The following SLC25A26 variants were observed in gnomAD, a reference collection of about 807,000 sequenced individuals.
SLC25A26 encodes the protein solute carrier family 25 member 26.
In SLC25A26, 36 loss-of-function variants were observed where a neutral mutation model predicts 37.8. The ratio of observed to expected loss-of-function variants is 0.95; its 90% CI spans 0.73 to 1.26. SLC25A26 has a LOEUF of 1.26. Among genes scored for constraint, SLC25A26 ranks in the 50% most tolerant of loss-of-function variants. SLC25A26 has a pLI of 0.00. For missense variants in SLC25A26, 390 were observed against 331.1 expected (o/e 1.18, Z -1.38); for synonymous variants, 129 against 122.5 (o/e 1.05, Z -0.35).
At chr3:66,264,288 A>G (rs543454765) in intron 5 of SLC25A26, among the ~76,000 whole-genome samples, 2 of 152,128 alleles carry the variant, frequency 1.3e-5, no homozygotes, top group African/African-American at 4.8e-5. Flanking sequence ...CCAAAAAAAA[A>G]GAAATAACTA....
chr3:66,311,552 C>G (rs1576851620), intron 5 of SLC25A26, among the ~76,000 whole-genome samples: 1 of 151,868 alleles, frequency 6.6e-6, no homozygotes, highest in African/African-American at 2.4e-5. Context: ...GAGTTGTGAT[C>G]GTTTGGAGAA....
At chr3:66,260,736 C>T (rs546794215) in intron 3 of SLC25A26, among the ~76,000 whole-genome samples, 1 of 152,286 alleles carries the variant, frequency 6.6e-6, no homozygotes, top group South Asian at 2.1e-4. Context: ...AAGCTGTCAC[C>T]TGTTTTTGTA....
At chr3:66,209,945 T>TATATAC (rs2071261894) in intron 1 of SLC25A26, among the ~76,000 whole-genome samples, 2 of 93,992 alleles carry the variant, frequency 2.1e-5, no homozygotes, top group African/African-American at 4.2e-5. Flanking sequence ...TATATATATA[T>TATATAC]ATGCAGTAGT....
intron 1 of SLC25A26, among the ~76,000 whole-genome samples, chr3:66,154,917 C>G (rs1048434332): frequency 2.8e-4 from 43 of 152,214 alleles, no homozygotes; most frequent in African/African-American, 9.6e-4. Flanking sequence ...TATGTATCAG[C>G]TCTTCAATAA....
At chr3:66,224,591 A>G (rs191446362) in intron 1 of SLC25A26, among the ~76,000 whole-genome samples, 78 of 152,280 alleles carry the variant, frequency 5.1e-4, no homozygotes, top group South Asian at 8.3e-4. Flanking sequence ...GAGCCAAACC[A>G]TATCATTCCA....
chr3:66,369,126 A>G (rs1459348312), intron 7 of SLC25A26, among the ~76,000 whole-genome samples: 2 of 150,910 alleles, frequency 1.3e-5, no homozygotes, highest in Non-Finnish European at 3.0e-5. Flanking sequence ...AGTGTGTCTC[A>G]CATATTGAGA....
intron 5 of SLC25A26, among the ~76,000 whole-genome samples, chr3:66,274,561 A>T (rs1408650302): frequency 1.3e-5 from 2 of 152,214 alleles, no homozygotes; most frequent in East Asian, 3.8e-4. Flanking sequence ...CAAGAAAAAA[A>T]CAAACAACCC....
chr3:66,263,006 G>T (rs1045920104), intron 4 of SLC25A26, among the ~76,000 whole-genome samples: 2 of 152,268 alleles, frequency 1.3e-5, no homozygotes, highest in Middle Eastern at 6.8e-3. Flanking sequence ...ACATGTTAGA[G>T]CAATTAAGTA....
intron 9 of SLC25A26, 116 bp from the exon 10 acceptor site, chr3:66,377,574 G>A (rs138130810): frequency 2.7e-5 from 20 of 736,292 alleles, no homozygotes; most frequent in African/African-American, 1.7e-5. Context: ...TTCACAAGCT[G>A]TTTGGTAGTT....
chr3:66,346,715 C>CGTGTGTGTGTGTGTGTGTGTGT (rs34944870), intron 6 of SLC25A26, among the ~76,000 whole-genome samples: 1 of 138,882 alleles, frequency 7.2e-6, no homozygotes, highest in Non-Finnish European at 1.6e-5. Context: ...TTGCTGTGTG[C>CGTGTGTGTGTGTGTGTGTGTGT]GTGTGTGTGT....
Position 66,167,037 on chromosome 3 carries a change from C to T in SLC25A26, c.-354+33053C>T, listed in dbSNP as rs2070434479. On this transcript the variant is annotated intron_variant, in intron 1 of 10. Coordinates refer to the SLC25A26 transcript ENST00000676754. ...CTTGTCTGCCACCATGTGAGATGTGCCTTTCACCTTCCACCATGATTGTGA... is the reference window on the plus strand; with the variant it reads ...CTTGTCTGCCACCATGTGAGATGTGTCTTTCACCTTCCACCATGATTGTGA... 2.0e-5 allele frequency among the ~76,000 whole-genome samples: 3 copies of T among 152,278 alleles called. No individual in the cohort carries two copies. The East Asian group carries it at 5.8e-4, about 29-fold the overall frequency.
chr3:66,270,851 T>G (rs913047613), intron 5 of SLC25A26, among the ~76,000 whole-genome samples: 21 of 152,214 alleles, frequency 1.4e-4, no homozygotes, highest in African/African-American at 5.1e-4. Flanking sequence ...CTTCAGTGCA[T>G]AGTTTCTCAT....
rs541686527 is a variant in SLC25A26, at chr3:66,275,436, C to T, written c.453+12057C>T. Among the ~76,000 whole-genome samples the T allele has an allele frequency of 5.3e-5, 8 of 151,952 alleles. No homozygotes were observed. The South Asian group carries it at 6.2e-4, about 12-fold the overall frequency. ...AAAAAAATTAATTACTGCTGTCTTCCCTTCACTAGAATGTATGCATCAGGA... is the reference window on the plus strand; with the variant it reads ...AAAAAAATTAATTACTGCTGTCTTCTCTTCACTAGAATGTATGCATCAGGA... On this transcript the variant is annotated intron_variant, in intron 5 of 9. Transcript: ENST00000354883.
intron 2 of SLC25A26, among the ~76,000 whole-genome samples, chr3:66,241,523 C>T (rs1167187895): frequency 1.3e-5 from 2 of 152,166 alleles, no homozygotes; most frequent in Non-Finnish European, 2.9e-5. Flanking sequence ...ACAGGTTTTA[C>T]ATTCTTCCCT....
intron 5 of SLC25A26, chr3:66,304,669 A>G: frequency 3.8e-6 from 1 of 265,850 alleles, no homozygotes; most frequent in Non-Finnish European, 7.6e-6. Flanking sequence ...ACATTCTTTA[A>G]AATGCTTTTA....
At chr3:66,187,327 A>G (rs2070847832) in intron 1 of SLC25A26, among the ~76,000 whole-genome samples, 2 of 151,816 alleles carry the variant, frequency 1.3e-5, no homozygotes, top group Non-Finnish European at 2.9e-5. Context: ...ATCAAATCGT[A>G]TACTCACCCA....
At chr3:66,241,808 G>A (rs1390124566) in intron 2 of SLC25A26, among the ~76,000 whole-genome samples, 5 of 152,136 alleles carry the variant, frequency 3.3e-5, no homozygotes, top group Admixed American at 2.6e-4. Flanking sequence ...AGGAGTGAGG[G>A]GTTGGGGTGG....
intron 5 of SLC25A26, among the ~76,000 whole-genome samples, chr3:66,269,927 T>G (rs1004092390): frequency 1.2e-4 from 18 of 152,146 alleles, no homozygotes; most frequent in African/African-American, 3.6e-4. Flanking sequence ...TTTACCTCCT[T>G]GTAGGATGCC....
chr3:66,187,415 A>G (rs2070849684), intron 1 of SLC25A26, among the ~76,000 whole-genome samples: 1 of 151,804 alleles, frequency 6.6e-6, no homozygotes, highest in African/African-American at 2.4e-5. Flanking sequence ...TCTCATCTTT[A>G]CCCTTACTCG....
Sources: gnomAD v4.1 joint callset for allele counts (sites outside exome capture counted in the v4.1 genomes callset) on GRCh38, gnomAD v4.1.1 for gene constraint, MANE v1.5 for transcripts, NCBI Gene and HGNC (gene_info 2026-07-23, HGNC 2026-07-21) for gene names.